PAK3: variants seen among roughly 807,000 people sequenced by gnomAD.
PAK3 encodes the protein serine/threonine-protein kinase PAK 3.
Under a neutral mutation model 41.0 loss-of-function variants are expected in PAK3, and 4 were observed. The ratio of observed to expected loss-of-function variants is 0.10; its 90% confidence interval spans 0.05 to 0.22. The LOEUF is 0.22. PAK3 is among the 10% of genes least tolerant of loss of function. PAK3 has a pLI of 1.00. For missense variants in PAK3, 205 were observed against 409.9 expected, an observed-to-expected ratio of 0.50 and a Z score of 4.32; for synonymous variants, 146 against 139.6, an observed-to-expected ratio of 1.05 and a Z score of -0.32.
At chrX:111,137,129 G>A (rs2093800717) in intron 5 of PAK3, among the ~76,000 whole-genome samples, 1 of 112,064 alleles carries the variant, frequency 8.9e-6, no homozygotes. Context: ...GGAGAACAAC[G>A]CACTTGGCCA....
At chrX:110,966,772 G>A (rs987814244) in intron 1 of PAK3, among the ~76,000 whole-genome samples, 8 of 111,098 alleles carry the variant, frequency 7.2e-5, no homozygotes, top group Admixed American at 3.8e-4. Context: ...ATCATCTGTA[G>A]GTAGTCAAGT....
Position 111,051,244 on chromosome X carries a change from G to A in PAK3, c.-27-71833G>A, listed in dbSNP as rs373389641. ...GTCTTCTTCACCTCTGTATCCCCAG[G>A]GTCTAGAAAAATGCCTGGCCATAGT... On this transcript the variant is annotated intron_variant, in intron 1 of 14. Transcript: ENST00000425146. Among the ~76,000 whole-genome samples the A allele has an allele frequency of 1.4e-3, 159 of 111,491 alleles. 2 individuals are homozygous for A. The South Asian group carries it at 0.055, about 39-fold the overall frequency.
chrX:111,086,478 C>T (rs770139072), intron 1 of PAK3, among the ~76,000 whole-genome samples: 4 of 111,443 alleles, frequency 3.6e-5, no homozygotes, highest in Admixed American at 9.5e-5. Flanking sequence ...TTGCAAAAAA[C>T]CTGAGTTAAG....
At chrX:111,149,043 A>G (rs765049586) in intron 7 of PAK3, among the ~76,000 whole-genome samples, 3 of 112,140 alleles carry the variant, frequency 2.7e-5, no homozygotes, top group South Asian at 7.5e-4. Flanking sequence ...AGGTACAGGC[A>G]TTTGTTGAAT....
At chrX:110,989,566 G>T (rs775764670) in intron 1 of PAK3, among the ~76,000 whole-genome samples, 35 of 112,157 alleles carry the variant, frequency 3.1e-4, no homozygotes, top group African/African-American at 1.1e-3. Context: ...AAATATGTTT[G>T]TGATCCAGAT....
intron 1 of PAK3, among the ~76,000 whole-genome samples, chrX:110,963,065 G>A (rs770524439): frequency 1.8e-5 from 2 of 112,131 alleles, no homozygotes; most frequent in South Asian, 7.5e-4. Flanking sequence ...AACAACCATG[G>A]CCTTGATGCA....
In PAK3 at chrX:111,111,508, A is replaced by G. The variant is rs779567253; in HGVS notation, c.-28+8202A>G. ...AGATGAATTTTCTATAAAACTTATT[A>G]TAAGTGCCGTTCTATTGGCCAAAAA... On this transcript the variant is annotated intron_variant, in intron 4 of 17. Coordinates refer to ENST00000372007, the MANE Select transcript of PAK3 (RefSeq NM_002578.5). Among the ~76,000 whole-genome samples, 3 of 112,068 alleles carry G rather than the reference A, an allele frequency of 2.7e-5. No individual in the cohort carries two copies. The East Asian group carries it at 8.4e-4, about 31-fold the overall frequency.
intron 1 of PAK3, among the ~76,000 whole-genome samples, chrX:111,003,136 CAAAGGAT>C (rs200372306): frequency 0.033 from 3,724 of 111,477 alleles, 142 homozygotes; most frequent in African/African-American, 0.12. Context: ...TTGCACAGCA[CAAAGGAT>C]AGTCTTCATA....
intron 1 of PAK3, among the ~76,000 whole-genome samples, chrX:111,019,530 C>CAAAAA (rs145174631): frequency 5.3e-5 from 4 of 74,983 alleles, no homozygotes; most frequent in African/African-American, 2.0e-4. Context: ...ACCATCTTTA[C>CAAAAA]AAAAAAAAAA....
At chrX:111,031,346 A>G (rs746254976) in intron 1 of PAK3, among the ~76,000 whole-genome samples, 3 of 111,610 alleles carry the variant, frequency 2.7e-5, no homozygotes, top group Non-Finnish European at 5.7e-5. Context: ...AACCAACCCT[A>G]AAAGATTAGG....
chrX:111,133,574 C>A (rs2093748795), intron 5 of PAK3, among the ~76,000 whole-genome samples: 1 of 111,834 alleles, frequency 8.9e-6, no homozygotes, highest in African/African-American at 3.3e-5. Flanking sequence ...CTACAGTGAT[C>A]CACAATTCAA....
chrX:110,991,547 A>T (rs753878911), intron 1 of PAK3, among the ~76,000 whole-genome samples: 2 of 112,160 alleles, frequency 1.8e-5, no homozygotes, highest in South Asian at 7.6e-4. Flanking sequence ...AGTTAATCCA[A>T]GTAAAGTACT....
intron 7 of PAK3, among the ~76,000 whole-genome samples, chrX:111,148,212 A>G: frequency 8.9e-6 from 1 of 111,959 alleles, no homozygotes; most frequent in African/African-American, 3.2e-5. Context: ...TCATGAAGTA[A>G]GAGTTGTATG....
At chrX:110,994,373 G>T (rs992230549) in intron 1 of PAK3, among the ~76,000 whole-genome samples, 1 of 111,511 alleles carries the variant, frequency 9.0e-6, no homozygotes, top group African/African-American at 3.3e-5. Context: ...TTTTTGAGCT[G>T]CCAGGGGCTT....
At chrX:111,039,810 C>T (rs752789601) in intron 1 of PAK3, among the ~76,000 whole-genome samples, 1 of 109,352 alleles carries the variant, frequency 9.1e-6, no homozygotes, top group Admixed American at 9.8e-5. Context: ...GGTGTGAGCA[C>T]ATAGGTGAAG....
At chrX:111,095,077 T>C (rs2092962936), upstream of PAK3, among the ~76,000 whole-genome samples, 1 of 111,722 alleles carries the variant, frequency 9.0e-6, no homozygotes, top group African/African-American at 3.3e-5. Flanking sequence ...TTTGTTGGCA[T>C]TATGGAGAAA....
At chrX:110,986,446 C>T (rs931331906) in intron 1 of PAK3, among the ~76,000 whole-genome samples, 1 of 111,529 alleles carries the variant, frequency 9.0e-6, no homozygotes, top group Non-Finnish European at 1.9e-5. Flanking sequence ...ACAGCATAAT[C>T]CTCATTGTTA....
At chrX:110,961,163 T>C (rs1039388430) in intron 1 of PAK3, among the ~76,000 whole-genome samples, 3 of 111,344 alleles carry the variant, frequency 2.7e-5, no homozygotes, top group African/African-American at 9.8e-5. Flanking sequence ...GGTCTGGATA[T>C]AGATATCTTA....
chrX:111,153,982 G>T, intron 8 of PAK3, among the ~76,000 whole-genome samples: 1 of 111,949 alleles, frequency 8.9e-6, no homozygotes, highest in African/African-American at 3.2e-5. Context: ...AGACAATTCT[G>T]ACACGTTACA....
Sources: allele counts gnomAD v4.1 joint callset (sites outside exome capture counted in the v4.1 genomes callset), GRCh38; gene constraint gnomAD v4.1.1; transcripts MANE v1.5; gene names NCBI Gene and HGNC (gene_info 2026-07-23, HGNC 2026-07-21).